The following RBFOX1 variants were observed in gnomAD, a reference collection of about 807,000 sequenced individuals.
The protein encoded by RBFOX1 is RNA binding fox-1 homolog 1, also known as RNA binding protein fox-1 homolog 1.
In RBFOX1, 8 loss-of-function variants were observed where a neutral mutation model predicts 57.7. That is an observed-to-expected ratio of 0.14 (90% confidence interval 0.08 to 0.25). The LOEUF is 0.25. Ranked by LOEUF, RBFOX1 falls within the 10% of genes least tolerant of loss-of-function variation. RBFOX1 has a pLI of 1.00. For synonymous variants in RBFOX1, 326 were observed against 222.4 expected (o/e 1.47, Z -4.15); for missense variants, 611 against 548.5 (o/e 1.11, Z -1.14).
At chr16:5,285,805 C>A (rs966411276) in intron 1 of RBFOX1, among the ~76,000 whole-genome samples, 1 of 152,200 alleles carries the variant, frequency 6.6e-6, no homozygotes, top group Admixed American at 6.5e-5. Flanking sequence ...TGGAGTCTTG[C>A]TCTGTCACCA....
intron 1 of RBFOX1, among the ~76,000 whole-genome samples, chr16:6,138,836 C>T (rs1193031999): frequency 1.3e-5 from 2 of 152,170 alleles, no homozygotes. Flanking sequence ...CGCTGCACTC[C>T]AGCCTGGGCG....
rs192992534 is a variant in RBFOX1, at chr16:5,350,387, C to T, written c.219+110282C>T. Among the ~76,000 whole-genome samples, 71 of 152,182 alleles carry T rather than the reference C, an allele frequency of 4.7e-4. 2 individuals carry two copies. In the East Asian group the frequency reaches 0.013, roughly 28 times the overall value. ...ACGGCTGTTGGCTCTGGTTGATAGA[C>T]GGGGGTGTGTCAGGCTGACACACAG... On this transcript the variant is annotated intron_variant, in intron 1 of 2. Coordinates refer to the RBFOX1 transcript ENST00000585867.
chr16:7,639,556 G>A (rs1250927850), intron 11 of RBFOX1, among the ~76,000 whole-genome samples: 2 of 152,016 alleles, frequency 1.3e-5, no homozygotes, highest in African/African-American at 2.4e-5. Context: ...TCTCAAGTTG[G>A]CTTCTATTAT....
At chr16:7,080,500 C>G (rs1368440659) in intron 4 of RBFOX1, among the ~76,000 whole-genome samples, 1 of 152,032 alleles carries the variant, frequency 6.6e-6, no homozygotes, top group Non-Finnish European at 1.5e-5. Context: ...GTGTTTTTCC[C>G]CTTCATGTTT....
intron 1 of RBFOX1, among the ~76,000 whole-genome samples, chr16:5,393,917 C>T (rs1240594190): frequency 1.3e-5 from 2 of 152,246 alleles, no homozygotes; most frequent in Non-Finnish European, 2.9e-5. Flanking sequence ...CTTCTGCCTT[C>T]TGTCTCTGTA....
chr16:5,789,050 T>A (rs1397181707), intron 3 of RBFOX1, among the ~76,000 whole-genome samples: 3 of 152,322 alleles, frequency 2.0e-5, no homozygotes, highest in Admixed American at 6.5e-5. Context: ...AAAGTTTGAA[T>A]GTCCTGGAGT....
chr16:7,676,926 C>G (rs1026151831), intron 14 of RBFOX1, 88 bp downstream of exon 14: 7 of 1,319,556 alleles, frequency 5.3e-6, no homozygotes, highest in African/African-American at 4.3e-5. Context: ...CTTGGTGAAA[C>G]TGCATGACTG....
At chr16:6,806,853 A>G (rs1204225960) in intron 3 of RBFOX1, among the ~76,000 whole-genome samples, 30 of 31,708 alleles carry the variant, frequency 9.5e-4, no homozygotes, top group African/African-American at 3.2e-3. Context: ...TTTTTTTTTG[A>G]GAGAAAGTCT....
chr16:6,601,444 T>C (rs1176506871), intron 2 of RBFOX1, among the ~76,000 whole-genome samples: 5 of 152,136 alleles, frequency 3.3e-5, no homozygotes, highest in Non-Finnish European at 7.4e-5. Flanking sequence ...TCGGTGTTTG[T>C]CATTTACCTC....
chr16:5,895,774 C>A (rs1456107469), intron 4 of RBFOX1, among the ~76,000 whole-genome samples: 1 of 152,188 alleles, frequency 6.6e-6, no homozygotes, highest in Non-Finnish European at 1.5e-5. Context: ...TCACCTATGA[C>A]AGTGCCTAGA....
At chr16:6,372,114 A>C (rs1395431196) in intron 2 of RBFOX1, among the ~76,000 whole-genome samples, 1 of 150,468 alleles carries the variant, frequency 6.6e-6, no homozygotes, top group Non-Finnish European at 1.5e-5. Context: ...TCGATGGAAA[A>C]GTATAGTTGG....
intron 1 of RBFOX1, among the ~76,000 whole-genome samples, chr16:6,266,527 A>C (rs1289749693): frequency 1.3e-5 from 2 of 152,124 alleles, no homozygotes; most frequent in Non-Finnish European, 2.9e-5. Context: ...CAGCCTGGCC[A>C]ACATGGTGAA....
At chr16:6,722,226 C>T (rs1438613728) in intron 3 of RBFOX1, among the ~76,000 whole-genome samples, 1 of 152,196 alleles carries the variant, frequency 6.6e-6, no homozygotes, top group East Asian at 1.9e-4. Context: ...AACCACTATC[C>T]TGTTTTCCAA....
intron 3 of RBFOX1, among the ~76,000 whole-genome samples, chr16:6,941,248 A>ATTCCCTCCCTCCCC (rs2078406136): frequency 3.8e-5 from 1 of 26,196 alleles, no homozygotes; most frequent in Non-Finnish European, 8.1e-5. Flanking sequence ...ATCCCCTCCC[A>ATTCCCTCCCTCCCC]TTCCCTCCCT....
intron 3 of RBFOX1, among the ~76,000 whole-genome samples, chr16:7,015,792 T>C (rs1393169084): frequency 6.6e-6 from 1 of 152,094 alleles, no homozygotes; most frequent in African/African-American, 2.4e-5. Flanking sequence ...TTTTTCTGAC[T>C]AATAACATTT....
intron 4 of RBFOX1, among the ~76,000 whole-genome samples, chr16:7,209,678 C>T (rs558486306): frequency 7.0e-4 from 107 of 152,196 alleles, no homozygotes; most frequent in Non-Finnish European, 1.3e-3. Context: ...ATTTTTAATC[C>T]GTATTTGGTT....
chr16:7,597,813 C>A (rs987394753), intron 9 of RBFOX1, among the ~76,000 whole-genome samples: 1 of 152,202 alleles, frequency 6.6e-6, no homozygotes, highest in African/African-American at 2.4e-5. Context: ...CCTGGACGTG[C>A]AGTCACGTAA....
intron 4 of RBFOX1, among the ~76,000 whole-genome samples, chr16:7,166,992 T>TTTTTTTTTTTTTTTTG (rs2079675553): frequency 7.9e-6 from 1 of 126,440 alleles, no homozygotes; most frequent in Non-Finnish European, 1.6e-5. Context: ...TTTTTTTTTT[T>TTTTTTTTTTTTTTTTG]TTTTTTTTTT....
At chr16:5,974,878 C>T (rs1195530647) in intron 4 of RBFOX1, among the ~76,000 whole-genome samples, 3 of 151,406 alleles carry the variant, frequency 2.0e-5, no homozygotes, top group Non-Finnish European at 2.9e-5. Flanking sequence ...CATGGTGGCA[C>T]ATGCCTATTA....
Sources: gnomAD v4.1 joint callset for allele counts (sites outside exome capture counted in the v4.1 genomes callset) on GRCh38, gnomAD v4.1.1 for gene constraint, MANE v1.5 for transcripts, NCBI Gene and HGNC (gene_info 2026-07-23, HGNC 2026-07-21) for gene names.